Variants in LRIG1 observed in about 807,000 individuals in gnomAD.
LRIG1 encodes the protein leucine rich repeats and immunoglobulin like domains 1, also known as leucine-rich repeats and immunoglobulin-like domains protein 1.
LRIG1 carries 48 observed loss-of-function variants against 99.2 expected under a neutral mutation model. The ratio of observed to expected loss-of-function variants is 0.48; its 90% CI spans 0.38 to 0.62. LRIG1 has a LOEUF of 0.62. Ranked by LOEUF, LRIG1 falls within the 20% of genes least tolerant of loss-of-function variation. LRIG1 has a pLI of 0.00. For synonymous variants in LRIG1, 772 were observed against 596.1 expected, an observed-to-expected ratio of 1.29 and a Z score of -4.30; for missense variants, 1,646 against 1,434.4, an observed-to-expected ratio of 1.15 and a Z score of -2.38.
Position 66,405,405 on chromosome 3 carries a change from C to T in LRIG1, c.1080-127G>A, listed in dbSNP as rs1048170849. 6.7e-6 allele frequency: 5 copies of T among 746,696 alleles called. No individual in the cohort carries two copies. In the East Asian group the frequency reaches 8.1e-5, roughly 12 times the overall value. 46.3% of individuals were successfully genotyped at this position (746,696 alleles called of 1,614,324 possible). A position where few individuals can be genotyped will look rare whatever the true frequency, so the allele number is the denominator to read the frequency against. On this transcript the variant is annotated intron_variant, in intron 8 of 18. Transcript: ENST00000273261. ...ATGCACCCTGGAGGCACAGCCGGGA[C>T]GTAGGGTGAAGAGACACGTGGCCCT...
In LRIG1 at chr3:66,500,392, G is replaced by T. The variant is rs1234768004; in HGVS notation, c.16C>A (p.Arg6=). The T allele has an allele frequency of 1.4e-6, 2 of 1,431,332 alleles. No homozygotes were observed. The highest frequency in any genetic ancestry group is 2.8e-5 in the East Asian group (1 of 35,960). 88.7% of individuals were successfully genotyped at this position (1,431,332 alleles called of 1,614,324 possible). A position where few individuals can be genotyped will look rare whatever the true frequency, so the allele number is the denominator to read the frequency against. The change falls in exon 1 of 19, where the codon CGG becomes AGG. Residue 6 remains arginine, a synonymous_variant. Coordinates refer to ENST00000273261, the MANE Select transcript of LRIG1 (RefSeq NM_015541.3). ...CGGCGCGGGGCCCCGAGCCCTCCCC[G>T]GACCGGCCGCGCCATCTTGTCTGGA... The part of the protein sequence containing the change: MARPV[R]GGLGAPRRSP...
chr3:66,395,395 C>G (rs1701805663), intron 11 of LRIG1, among the ~76,000 whole-genome samples: 1 of 152,160 alleles, frequency 6.6e-6, no homozygotes, highest in Non-Finnish European at 1.5e-5. Context: ...GAAACTGTCA[C>G]AGCAAGGAAG....
intron 10 of LRIG1, 39 bp downstream of exon 10, chr3:66,398,923 CGCATTCAG>C (rs748555179): frequency 2.0e-6 from 3 of 1,532,294 alleles, no homozygotes; most frequent in Non-Finnish European, 2.7e-6. Context: ...CCCCGGCAGC[CGCATTCAG>C]CAGGCTGTGC....
At chr3:66,482,058 G>C (rs1378875518) in intron 1 of LRIG1, among the ~76,000 whole-genome samples, 1 of 152,236 alleles carries the variant, frequency 6.6e-6, no homozygotes, top group African/African-American at 2.4e-5. Flanking sequence ...CCTACCAGCT[G>C]TAGGTACCAG....
In LRIG1 at chr3:66,379,941, C is replaced by A. The variant is rs147601936; in HGVS notation, c.*322G>T. ...TCCAAAATTAAACAGCAACCTGATA[C>A]GAAAAATAATATTGTCAAAATTGTA... is the stretch of plus-strand genomic sequence containing the variant. On this transcript the variant is annotated 3_prime_UTR_variant, in exon 19 of 19. Transcript: ENST00000273261. The A allele has an allele frequency of 5.6e-6, 1 of 177,286 alleles. No individual in the cohort carries two copies. The highest frequency in any genetic ancestry group is 2.4e-5 in the African/African-American group (1 of 41,404). The allele number at this position is 177,286 out of a possible 1,614,324, so 11.0% of individuals were successfully genotyped here.
intron 9 of LRIG1, among the ~76,000 whole-genome samples, chr3:66,402,041 A>G (rs1702078255): frequency 6.6e-6 from 1 of 152,016 alleles, no homozygotes; most frequent in Non-Finnish European, 1.5e-5. Context: ...ATAGGCAGGG[A>G]TGGAGGCTGC....
At chr3:66,443,340 T>G (rs1208192712) in intron 3 of LRIG1, among the ~76,000 whole-genome samples, 3 of 21,926 alleles carry the variant, frequency 1.4e-4, no homozygotes, top group East Asian at 1.7e-3. Context: ...GGGCGGGGGA[T>G]GAGTGAGGGG....
chr3:66,488,810 T>C lies in LRIG1; in HGVS notation c.218+11380A>G, dbSNP rs541493351. 2.8e-3 allele frequency among the ~76,000 whole-genome samples: 426 copies of C among 152,300 alleles called. 1 individual carries two copies. Among genetic ancestry groups the C allele is most frequent in the Non-Finnish European group, 5.0e-3 (338 of 68,026 alleles). ...GGCCATGACTATAGAATGTGACAGG[T>C]GGCCCATCCAGTCCTTAAAGGCAGT... On this transcript the variant is annotated intron_variant, in intron 1 of 18. Coordinates refer to ENST00000273261, the MANE Select transcript of LRIG1 (RefSeq NM_015541.3).
At chr3:66,417,051 C>T in intron 4 of LRIG1, 78 bp downstream of exon 4, 3 of 1,566,712 alleles carry the variant, frequency 1.9e-6, no homozygotes, top group South Asian at 2.3e-5. Context: ...CTCCTGCATC[C>T]AGAACTGGGT....
intron 1 of LRIG1, among the ~76,000 whole-genome samples, chr3:66,493,689 A>C (rs924538602): frequency 1.2e-4 from 18 of 152,170 alleles, no homozygotes; most frequent in African/African-American, 4.3e-4. Flanking sequence ...TCAGCTACTC[A>C]GGCAACTGAG....
chr3:66,460,082 T>C (rs1234490020), intron 2 of LRIG1, among the ~76,000 whole-genome samples: 1 of 152,110 alleles, frequency 6.6e-6, no homozygotes, highest in Non-Finnish European at 1.5e-5. Flanking sequence ...TGCGCCTGTG[T>C]TGGGTGCCTC....
chr3:66,384,849 A>G (rs1252740779), intron 13 of LRIG1, among the ~76,000 whole-genome samples: 2 of 152,154 alleles, frequency 1.3e-5, no homozygotes, highest in Admixed American at 6.5e-5. Flanking sequence ...ACAGAGTGGG[A>G]CGCATCCAGC....
At chr3:66,397,785 G>A (rs1485203347) in intron 11 of LRIG1, among the ~76,000 whole-genome samples, 1 of 152,232 alleles carries the variant, frequency 6.6e-6, no homozygotes, top group Non-Finnish European at 1.5e-5. Context: ...CATAATTGAA[G>A]GGGTGATTAT....
intron 5 of LRIG1, among the ~76,000 whole-genome samples, chr3:66,414,009 T>A (rs3845893): frequency 0.18 from 26,977 of 151,878 alleles, 3,874 homozygotes; most frequent in East Asian, 0.71. Context: ...TTCGTCAGGC[T>A]CTGGTTAACA....
chr3:66,441,772 C>G (rs915014797), intron 3 of LRIG1, among the ~76,000 whole-genome samples: 1 of 152,142 alleles, frequency 6.6e-6, no homozygotes, highest in African/African-American at 2.4e-5. Context: ...TTCTAGGCAC[C>G]CAGACCACAT....
intron 1 of LRIG1, among the ~76,000 whole-genome samples, chr3:66,486,253 A>T (rs1007022781): frequency 6.6e-6 from 1 of 152,098 alleles, no homozygotes; most frequent in Non-Finnish European, 1.5e-5. Flanking sequence ...TTTTTTCCTT[A>T]TAACAAGCTT....
chr3:66,413,306 A>G (rs1182011939), intron 5 of LRIG1, among the ~76,000 whole-genome samples: 1 of 152,200 alleles, frequency 6.6e-6, no homozygotes, highest in Non-Finnish European at 1.5e-5. Flanking sequence ...GTGTGTGCTC[A>G]CGTCTCCTCC....
chr3:66,449,027 G>C (rs1273677968), intron 3 of LRIG1, among the ~76,000 whole-genome samples: 1 of 152,192 alleles, frequency 6.6e-6, no homozygotes, highest in Non-Finnish European at 1.5e-5. Context: ...TGGATGACTG[G>C]AATCATCATG....
At chr3:66,498,365 A>G (rs1239082855) in intron 1 of LRIG1, 4 of 152,178 alleles carry the variant, frequency 2.6e-5, no homozygotes, top group African/African-American at 9.7e-5. Context: ...TTTTGCTCCA[A>G]AAATTAAAGG....
Sources: allele counts gnomAD v4.1 joint callset (sites outside exome capture counted in the v4.1 genomes callset), GRCh38; gene constraint gnomAD v4.1.1; transcripts MANE v1.5; gene names NCBI Gene and HGNC (gene_info 2026-07-23, HGNC 2026-07-21).